GABRB1: variants seen among roughly 807,000 people sequenced by gnomAD.
GABRB1 encodes the protein gamma-aminobutyric acid receptor subunit beta-1.
Under a neutral mutation model 51.6 loss-of-function variants are expected in GABRB1, and 17 were observed. The ratio of observed to expected loss-of-function variants is 0.33; its 90% CI spans 0.23 to 0.49. The LOEUF (loss-of-function observed/expected upper bound fraction) is 0.49, where lower values mean the gene tolerates loss of function less well. GABRB1 is among the 20% of genes least tolerant of loss of function. The pLI, the probability that GABRB1 is intolerant of heterozygous loss-of-function variation, is 0.99. For missense variants in GABRB1, 410 were observed against 600.6 expected (o/e 0.68, Z 3.32); for synonymous variants, 247 against 218.9 (o/e 1.13, Z -1.14).
intron 5 of GABRB1, among the ~76,000 whole-genome samples, chr4:47,331,466 T>C (rs1725476119): frequency 6.6e-6 from 1 of 152,098 alleles, no homozygotes; most frequent in Admixed American, 6.6e-5. Flanking sequence ...TTATTTTCCA[T>C]CCATGGGCAA....
At chr4:47,337,375 T>A (rs900389925) in intron 5 of GABRB1, among the ~76,000 whole-genome samples, 7 of 151,834 alleles carry the variant, frequency 4.6e-5, no homozygotes, top group African/African-American at 1.5e-4. Flanking sequence ...GAGAGCAAGG[T>A]TTTGATAAGA....
chr4:47,024,949 T>TATATATATATATATATATATATATATATA (rs1725043839), intron 1 of GABRB1, among the ~76,000 whole-genome samples: 4 of 139,412 alleles, frequency 2.9e-5, no homozygotes, highest in African/African-American at 1.1e-4. Context: ...TATATATATA[T>TATATATATATATATATATATATATATATA]ATGTTATTTG....
intron 4 of GABRB1, among the ~76,000 whole-genome samples, chr4:47,163,371 C>T (rs900843154): frequency 2.8e-4 from 43 of 152,036 alleles, no homozygotes; most frequent in African/African-American, 9.2e-4. Flanking sequence ...CCAGGGGTAT[C>T]GGTGATTAAA....
chr4:47,179,480 C>A (rs990106551), intron 4 of GABRB1, among the ~76,000 whole-genome samples: 2 of 151,990 alleles, frequency 1.3e-5, no homozygotes, highest in South Asian at 4.1e-4. Flanking sequence ...GACACGTGCA[C>A]ACGTATGTTT....
chr4:47,283,263 T>C (rs1723359359), intron 4 of GABRB1, among the ~76,000 whole-genome samples: 2 of 149,134 alleles, frequency 1.3e-5, no homozygotes, highest in African/African-American at 2.5e-5. Context: ...AACAAGACAC[T>C]AAGTTTGGGT....
chr4:47,211,966 A>T (rs557805786), intron 4 of GABRB1, among the ~76,000 whole-genome samples: 1 of 152,274 alleles, frequency 6.6e-6, no homozygotes, highest in Admixed American at 6.5e-5. Flanking sequence ...TCTTTAACTT[A>T]AACTCATCTA....
intron 5 of GABRB1, among the ~76,000 whole-genome samples, chr4:47,377,978 C>T (rs1470296201): frequency 6.6e-6 from 1 of 152,280 alleles, no homozygotes; most frequent in Non-Finnish European, 1.5e-5. Context: ...CAGCTGGCTT[C>T]ATCCAGTGGA....
At chr4:47,238,522 C>T (rs1001302479) in intron 4 of GABRB1, among the ~76,000 whole-genome samples, 1 of 152,046 alleles carries the variant, frequency 6.6e-6, no homozygotes, top group Non-Finnish European at 1.5e-5. Flanking sequence ...GTGTATGACA[C>T]CACAAATAAT....
intron 3 of GABRB1, among the ~76,000 whole-genome samples, chr4:47,064,925 A>G (rs1727011215): frequency 6.6e-6 from 1 of 152,232 alleles, no homozygotes; most frequent in Admixed American, 6.5e-5. Context: ...TAAAAGTGAT[A>G]TGAGAACAGA....
At chr4:47,312,530 C>T (rs927007751) in intron 4 of GABRB1, among the ~76,000 whole-genome samples, 3 of 152,150 alleles carry the variant, frequency 2.0e-5, no homozygotes, top group Non-Finnish European at 2.9e-5. Context: ...ATCCAAGAGG[C>T]TAAACAAGCC....
intron 4 of GABRB1, among the ~76,000 whole-genome samples, chr4:47,194,166 G>T (rs1719552666): frequency 6.6e-6 from 1 of 152,108 alleles, no homozygotes; most frequent in African/African-American, 2.4e-5. Context: ...GCTGATTAAA[G>T]TAGGACATAA....
At chr4:47,130,908 T>C (rs1029249493) in intron 3 of GABRB1, among the ~76,000 whole-genome samples, 1 of 152,202 alleles carries the variant, frequency 6.6e-6, no homozygotes, top group African/African-American at 2.4e-5. Flanking sequence ...AAGTTATTAA[T>C]GTCCATTAGG....
intron 4 of GABRB1, among the ~76,000 whole-genome samples, chr4:47,305,580 G>C: frequency 6.6e-6 from 1 of 152,202 alleles, no homozygotes; most frequent in South Asian, 2.1e-4. Flanking sequence ...CTTACCATCT[G>C]TTCAGGTGGA....
chr4:47,376,716 A>T (rs1029298344), intron 5 of GABRB1, among the ~76,000 whole-genome samples: 12 of 152,124 alleles, frequency 7.9e-5, no homozygotes, highest in African/African-American at 2.4e-4. Flanking sequence ...GAGTAGAGGC[A>T]CAAGCTAGGC....
chr4:47,397,025 G>GT (rs1365247954), intron 5 of GABRB1, among the ~76,000 whole-genome samples: 1 of 151,972 alleles, frequency 6.6e-6, no homozygotes, highest in Non-Finnish European at 1.5e-5. Flanking sequence ...GTTTGTAGAA[G>GT]TTTTTTATAT....
chr4:47,132,565 ACAGT>A (rs1256272469), intron 3 of GABRB1, among the ~76,000 whole-genome samples: 1 of 152,184 alleles, frequency 6.6e-6, no homozygotes, highest in Non-Finnish European at 1.5e-5. Flanking sequence ...CTACTCCTGA[ACAGT>A]CAGTTAAAAT....
At chr4:47,023,551 G>A (rs1005587601) in intron 1 of GABRB1, among the ~76,000 whole-genome samples, 1 of 151,764 alleles carries the variant, frequency 6.6e-6, no homozygotes, top group Non-Finnish European at 1.5e-5. Context: ...ATATCTTTTG[G>A]TTTAAAAATA....
chr4:47,298,757 A>C (rs961823177), intron 4 of GABRB1, among the ~76,000 whole-genome samples: 3 of 152,120 alleles, frequency 2.0e-5, no homozygotes, highest in African/African-American at 4.8e-5. Context: ...TCATATGGAA[A>C]CAAAAAAGAA....
intron 4 of GABRB1, among the ~76,000 whole-genome samples, chr4:47,267,550 C>A (rs1443236477): frequency 5.9e-5 from 9 of 151,956 alleles, no homozygotes; most frequent in Non-Finnish European, 1.5e-5. Flanking sequence ...ATCTCAGCAC[C>A]TTGTGAGGCC....
Sources: allele counts gnomAD v4.1 joint callset (sites outside exome capture counted in the v4.1 genomes callset), GRCh38; gene constraint gnomAD v4.1.1; transcripts MANE v1.5; gene names NCBI Gene and HGNC (gene_info 2026-07-23, HGNC 2026-07-21).